The following ST3GAL2 variants were observed in gnomAD, a reference collection of about 807,000 sequenced individuals.
The protein encoded by ST3GAL2 is ST3 beta-galactoside alpha-2,3-sialyltransferase 2, also known as CMP-N-acetylneuraminate-beta-galactosamide-alpha-2,3-sialyltransferase 2.
In ST3GAL2, 16 loss-of-function variants were observed where a neutral mutation model predicts 37.5. The ratio of observed to expected loss-of-function variants is 0.43; its 90% CI spans 0.29 to 0.65. The LOEUF is 0.65. ST3GAL2 is among the 30% of genes least tolerant of loss of function. The pLI, the probability that ST3GAL2 is intolerant of heterozygous loss-of-function variation, is 0.17. For missense variants in ST3GAL2, 383 were observed against 487.8 expected (o/e 0.79, Z 2.02); for synonymous variants, 238 against 202.9 (o/e 1.17, Z -1.47).
intron 6 of ST3GAL2, 116 bp from the exon 7 acceptor site, chr16:70,381,978 C>A: frequency 7.2e-7 from 1 of 1,379,402 alleles, no homozygotes; most frequent in Non-Finnish European, 9.9e-7. Flanking sequence ...ATGCAGGAGC[C>A]CCCAGGCCTG....
intron 1 of ST3GAL2, among the ~76,000 whole-genome samples, chr16:70,435,538 C>T (rs1003256818): frequency 5.9e-4 from 90 of 152,092 alleles, no homozygotes; most frequent in African/African-American, 2.0e-3. Context: ...GTGGAGGTTG[C>T]GGTGAGCCGA....
intron 1 of ST3GAL2, among the ~76,000 whole-genome samples, chr16:70,426,800 G>A (rs969885294): frequency 3.3e-5 from 5 of 152,110 alleles, no homozygotes; most frequent in East Asian, 3.9e-4. Flanking sequence ...GTGAGCCACC[G>A]CGCCTGGCCC....
At chr16:70,389,700 G>A (rs1006701681) in intron 3 of ST3GAL2, among the ~76,000 whole-genome samples, 3 of 152,212 alleles carry the variant, frequency 2.0e-5, no homozygotes, top group Non-Finnish European at 2.9e-5. Flanking sequence ...TACTGACCTC[G>A]TGATGCGCCG....
At position 70,399,022 on chromosome 16, in the gene ST3GAL2, G is replaced by T; in HGVS notation, c.-492C>A. The T allele has an allele frequency of 2.5e-6, 1 of 406,636 alleles. No individual in the cohort carries two copies. The highest frequency in any genetic ancestry group is 4.3e-6 in the Non-Finnish European group (1 of 230,512). 25.2% of individuals were successfully genotyped at this position (406,636 alleles called of 1,614,324 possible). A position where few individuals can be genotyped will look rare whatever the true frequency, so the allele number is the denominator to read the frequency against. On this transcript the variant is annotated 5_prime_UTR_variant, in exon 2 of 7. The change creates a premature stop within an existing upstream ORF in the 5' untranslated region. Transcript: ENST00000342907. ...CCTAGAACTCCAATCACAACAGAGA[G>T]CACAGGGGCTTCAGGGGACTTGGGT... is the stretch of plus-strand genomic sequence containing the variant.
In ST3GAL2 at chr16:70,380,429, C is replaced by T. The variant is rs2047390805; in HGVS notation, c.*1260G>A. Reference sequence around the variant, plus strand: ...GAGCTTCACAGAAGCCTTCCCCCTCCTAAACCTCCCCAGCTTCGAAGGGGG... The same window carrying T: ...GAGCTTCACAGAAGCCTTCCCCCTCTTAAACCTCCCCAGCTTCGAAGGGGG... On this transcript the variant is annotated 3_prime_UTR_variant, in exon 7 of 7. Transcript: ENST00000342907. 1 of 152,284 alleles carries T rather than the reference C, an allele frequency of 6.6e-6. No homozygotes were observed. Among genetic ancestry groups the T allele is most frequent in the African/African-American group, 2.4e-5 (1 of 41,474 alleles). The allele number at this position is 152,284 out of a possible 1,614,324, so 9.4% of individuals were successfully genotyped here.
chr16:70,405,451 G>C (rs916172910), intron 1 of ST3GAL2, among the ~76,000 whole-genome samples: 1 of 149,018 alleles, frequency 6.7e-6, no homozygotes, highest in Non-Finnish European at 1.5e-5. Flanking sequence ...TGAGGCAGGA[G>C]AATGGCATGA....
intron 1 of ST3GAL2, among the ~76,000 whole-genome samples, chr16:70,404,865 CTG>C (rs908558667): frequency 6.6e-6 from 1 of 152,024 alleles, no homozygotes; most frequent in African/African-American, 2.4e-5. Context: ...AACCCCATCT[CTG>C]TTAAAAATAC....
intron 2 of ST3GAL2, 28 bp from the exon 3 acceptor site, chr16:70,395,203 C>T (rs190241526): frequency 1.3e-5 from 20 of 1,583,334 alleles, no homozygotes; most frequent in South Asian, 2.3e-5. Flanking sequence ...AGATGGGAAA[C>T]GAGGAAGGGG....
intron 6 of ST3GAL2, 102 bp downstream of exon 6, chr16:70,382,703 T>C: frequency 6.5e-7 from 1 of 1,546,508 alleles, no homozygotes; most frequent in African/African-American, 1.4e-5. Context: ...ACATGGATTC[T>C]GCCTACAGAA....
At position 70,409,543 on chromosome 16, in the gene ST3GAL2, G is replaced by C. The variant is rs373229826; in HGVS notation, c.-1003-10010C>G. On this transcript the variant is annotated intron_variant, in intron 1 of 6. Coordinates refer to ENST00000342907, the MANE Select transcript of ST3GAL2 (RefSeq NM_006927.4). ...TTTTTAGTCGAGATGGGGTTTAACC[G>C]TGTTGGCCAGGCTGGTCTCGAACTC... Among the ~76,000 whole-genome samples, 6 of 152,134 alleles carry C rather than the reference G, an allele frequency of 3.9e-5. No individual in the cohort carries two copies. The South Asian group carries it at 1.2e-3, about 32-fold the overall frequency.
chr16:70,421,289 C>A (rs1597573599), intron 1 of ST3GAL2, among the ~76,000 whole-genome samples: 1 of 152,230 alleles, frequency 6.6e-6, no homozygotes, highest in Non-Finnish European at 1.5e-5. Context: ...GGCAATATCG[C>A]TGCTGTGAGT....
At chr16:70,386,109 C>G (rs947889386) in intron 4 of ST3GAL2, among the ~76,000 whole-genome samples, 2 of 152,132 alleles carry the variant, frequency 1.3e-5, no homozygotes, top group Non-Finnish European at 2.9e-5. Flanking sequence ...TAACCTCTGC[C>G]TCCCAGGTTC....
chr16:70,397,265 A>G (rs2047523607), intron 2 of ST3GAL2, among the ~76,000 whole-genome samples: 1 of 149,490 alleles, frequency 6.7e-6, no homozygotes, highest in Admixed American at 6.6e-5. Flanking sequence ...CTGGTCTCGA[A>G]CTCCTGACCT....
chr16:70,421,768 T>A (rs1312706970), intron 1 of ST3GAL2, among the ~76,000 whole-genome samples: 1 of 152,136 alleles, frequency 6.6e-6, no homozygotes, highest in Non-Finnish European at 1.5e-5. Flanking sequence ...AGTCTTGGCC[T>A]CCTGCCTCAG....
At chr16:70,409,874 TCA>T (rs2047624463) in intron 1 of ST3GAL2, among the ~76,000 whole-genome samples, 1 of 148,192 alleles carries the variant, frequency 6.7e-6, no homozygotes, top group African/African-American at 2.5e-5. Context: ...ACTTGAACTC[TCA>T]GACTCCTGCC....
chr16:70,384,501 T>C (rs111363355), intron 4 of ST3GAL2, among the ~76,000 whole-genome samples: 7 of 150,946 alleles, frequency 4.6e-5, no homozygotes, highest in Admixed American at 2.0e-4. Context: ...GGTCAAGAGA[T>C]GGAGACCATC....
At chr16:70,427,526 A>G (rs1413427732) in intron 1 of ST3GAL2, among the ~76,000 whole-genome samples, 1 of 151,634 alleles carries the variant, frequency 6.6e-6, no homozygotes, top group East Asian at 1.9e-4. Flanking sequence ...TTTAGTAGAG[A>G]TGGGGTTTCA....
At chr16:70,411,642 T>C (rs550115830) in intron 1 of ST3GAL2, among the ~76,000 whole-genome samples, 1 of 152,188 alleles carries the variant, frequency 6.6e-6, no homozygotes, top group African/African-American at 2.4e-5. Flanking sequence ...ACTAATCCAG[T>C]GTTTTCCAGT....
chr16:70,397,986 T>C (rs1316725371), intron 2 of ST3GAL2, among the ~76,000 whole-genome samples: 1 of 152,202 alleles, frequency 6.6e-6, no homozygotes, highest in African/African-American at 2.4e-5. Context: ...ATTTCTGGCC[T>C]ATGCTCGGGT....
Sources: allele counts gnomAD v4.1 joint callset (sites outside exome capture counted in the v4.1 genomes callset), GRCh38; gene constraint gnomAD v4.1.1; transcripts MANE v1.5; gene names NCBI Gene and HGNC (gene_info 2026-07-23, HGNC 2026-07-21).